XKR6: variants seen among roughly 807,000 people sequenced by gnomAD.
The protein encoded by XKR6 is XK-related protein 6.
XKR6 carries 22 observed loss-of-function variants against 56.7 expected under a neutral mutation model. The observed-to-expected ratio is 0.39, with a 90% CI of 0.28 to 0.55. The LOEUF is 0.55. Ranked by LOEUF, XKR6 falls within the 20% of genes least tolerant of loss-of-function variation. The pLI, the probability that XKR6 is intolerant of heterozygous loss-of-function variation, is 0.66. For missense variants in XKR6, 852 were observed against 889.0 expected (o/e 0.96, Z 0.53); for synonymous variants, 524 against 387.8 (o/e 1.35, Z -4.13).
chr8:10,953,375 G>C (rs924694768), intron 1 of XKR6, among the ~76,000 whole-genome samples: 2 of 152,112 alleles, frequency 1.3e-5, no homozygotes, highest in African/African-American at 4.8e-5. Context: ...CCCACCATCT[G>C]AGATGCCTGC....
At chr8:11,036,358 G>C (rs974282348) in intron 1 of XKR6, among the ~76,000 whole-genome samples, 3 of 152,210 alleles carry the variant, frequency 2.0e-5, no homozygotes, top group Admixed American at 6.5e-5. Flanking sequence ...GGGAGACCTA[G>C]AGGAAGCCAC....
chr8:11,181,650 G>C (rs10110684), intron 1 of XKR6, among the ~76,000 whole-genome samples: 45,874 of 152,124 alleles, frequency 0.3, 7,624 homozygotes, highest in Non-Finnish European at 0.37. Flanking sequence ...AAGAAAATTT[G>C]GTGAGGAAGA....
chr8:11,080,964 G>T (rs1797702581), intron 1 of XKR6, among the ~76,000 whole-genome samples: 1 of 152,196 alleles, frequency 6.6e-6, no homozygotes, highest in African/African-American at 2.4e-5. Flanking sequence ...AAAATTCACA[G>T]GACATATCAA....
At chr8:11,126,869 G>C (rs1204814248) in intron 1 of XKR6, among the ~76,000 whole-genome samples, 1 of 152,128 alleles carries the variant, frequency 6.6e-6, no homozygotes, top group Admixed American at 6.5e-5. Context: ...GTTGGAAACT[G>C]ATATAAACCA....
chr8:11,033,447 AATG>A (rs779565081), intron 1 of XKR6, among the ~76,000 whole-genome samples: 34 of 148,836 alleles, frequency 2.3e-4, no homozygotes, highest in Non-Finnish European at 4.0e-4. Flanking sequence ...TGATGGTCGT[AATG>A]ATGATGATGG....
chr8:11,178,620 C>T (rs1016791037), intron 1 of XKR6, among the ~76,000 whole-genome samples: 2 of 124,712 alleles, frequency 1.6e-5, no homozygotes, highest in Admixed American at 7.5e-5. Context: ...TATATATATA[C>T]ACACACAAAT....
chr8:10,986,292 A>G (rs370726855), intron 1 of XKR6, among the ~76,000 whole-genome samples: 1 of 152,258 alleles, frequency 6.6e-6, no homozygotes, highest in Non-Finnish European at 1.5e-5. Flanking sequence ...AGATGGATCA[A>G]TTATGTAAAC....
chr8:10,968,919 A>G (rs1291376707), intron 1 of XKR6, among the ~76,000 whole-genome samples: 1 of 152,230 alleles, frequency 6.6e-6, no homozygotes, highest in Admixed American at 6.5e-5. Flanking sequence ...AGGAGTGGCT[A>G]TCCTTTTATT....
rs190313991 is a variant in XKR6 at position 10,943,756 on chromosome 8, A to T, written c.765-18926T>A. Among the ~76,000 whole-genome samples, 596 of 152,150 alleles carry T rather than the reference A, an allele frequency of 3.9e-3. 2 individuals carry two copies. The highest frequency in any genetic ancestry group is 5.1e-3 in the Non-Finnish European group (347 of 68,000). ...CCAGGGGTTCATACCCAGGTGGTTG[A>T]CTCGAGAGGGAGTGCTTTTACGCCA... On this transcript the variant is annotated intron_variant, in intron 1 of 2. Transcript: ENST00000416569.
At chr8:11,188,855 T>C (rs777801071) in intron 1 of XKR6, among the ~76,000 whole-genome samples, 1 of 152,116 alleles carries the variant, frequency 6.6e-6, no homozygotes, top group Non-Finnish European at 1.5e-5. Context: ...GCCCTGAGCT[T>C]CTCCGTTACA....
intron 1 of XKR6, among the ~76,000 whole-genome samples, chr8:11,164,730 T>G (rs1429338957): frequency 6.6e-6 from 1 of 152,246 alleles, no homozygotes; most frequent in Non-Finnish European, 1.5e-5. Context: ...CATTAATTCC[T>G]AACTACACTG....
intron 1 of XKR6, among the ~76,000 whole-genome samples, chr8:10,945,525 A>T (rs1801508829): frequency 2.6e-5 from 4 of 152,222 alleles, no homozygotes; most frequent in Non-Finnish European, 5.9e-5. Context: ...ATGCCTTGGC[A>T]AACCCATGTA....
intron 2 of XKR6, among the ~76,000 whole-genome samples, chr8:10,915,481 C>T (rs750310700): frequency 2.0e-5 from 3 of 150,906 alleles, no homozygotes; most frequent in Non-Finnish European, 4.4e-5. Flanking sequence ...GTCATGAAAC[C>T]CATTGAGTTT....
At chr8:11,028,105 G>T (rs1798911188) in intron 1 of XKR6, among the ~76,000 whole-genome samples, 1 of 151,626 alleles carries the variant, frequency 6.6e-6, no homozygotes, top group Admixed American at 6.6e-5. Flanking sequence ...AAAACCCCCT[G>T]TGCTTGGCCT....
At chr8:11,127,400 AAATTAC>A (rs1244286881) in intron 1 of XKR6, among the ~76,000 whole-genome samples, 5 of 152,264 alleles carry the variant, frequency 3.3e-5, no homozygotes, top group African/African-American at 7.2e-5. Context: ...CAGATGTAAC[AAATTAC>A]AATTACAATT....
intron 1 of XKR6, among the ~76,000 whole-genome samples, chr8:10,941,047 G>A (rs1801372213): frequency 6.6e-6 from 1 of 152,168 alleles, no homozygotes; most frequent in Non-Finnish European, 1.5e-5. Context: ...GAGGTGAGGG[G>A]GCTCCTCGAT....
chr8:11,045,549 G>T (rs1322777939), intron 1 of XKR6, among the ~76,000 whole-genome samples: 3 of 152,132 alleles, frequency 2.0e-5, no homozygotes, highest in African/African-American at 7.2e-5. Context: ...CATTTCCTCT[G>T]CTATAAAACA....
intron 1 of XKR6, among the ~76,000 whole-genome samples, chr8:11,120,601 G>T (rs1219582316): frequency 3.3e-5 from 5 of 152,160 alleles, no homozygotes; most frequent in East Asian, 1.9e-4. Context: ...CGTGAAAATG[G>T]CCATACTGCC....
chr8:10,995,555 G>T (rs570650207), intron 1 of XKR6, among the ~76,000 whole-genome samples: 92 of 150,052 alleles, frequency 6.1e-4, no homozygotes, highest in African/African-American at 2.1e-3. Flanking sequence ...AGGCATGGTG[G>T]CACACGCCTG....
Sources: allele counts gnomAD v4.1 joint callset (sites outside exome capture counted in the v4.1 genomes callset), GRCh38; gene constraint gnomAD v4.1.1; transcripts MANE v1.5; gene names NCBI Gene and HGNC (gene_info 2026-07-23, HGNC 2026-07-21).